EFCAB11: variants seen among roughly 807,000 people sequenced by gnomAD.
The protein encoded by EFCAB11 is EF-hand calcium binding domain 11.
EFCAB11 carries 14 observed loss-of-function variants against 23.0 expected under a neutral mutation model. The ratio of observed to expected loss-of-function variants is 0.61; its 90% confidence interval spans 0.40 to 0.95. The LOEUF (loss-of-function observed/expected upper bound fraction) is 0.95. EFCAB11 is among the 40% of genes least tolerant of loss of function. EFCAB11 has a pLI of 0.00. For missense variants in EFCAB11, 198 were observed against 195.8 expected, an observed-to-expected ratio of 1.01 and a Z score of -0.07; for synonymous variants, 65 against 66.6, an observed-to-expected ratio of 0.98 and a Z score of 0.11.
intron 3 of EFCAB11, among the ~76,000 whole-genome samples, chr14:89,943,670 G>A (rs1239805029): frequency 6.6e-6 from 1 of 152,110 alleles, no homozygotes; most frequent in African/African-American, 2.4e-5. Context: ...TCAATAAGAG[G>A]GAAAGAAGAA....
chr14:89,853,697 T>C (rs1056625781), intron 5 of EFCAB11, among the ~76,000 whole-genome samples: 6 of 152,354 alleles, frequency 3.9e-5, no homozygotes, highest in East Asian at 1.9e-4. Context: ...TATGGCATCA[T>C]ACAAAATGAC....
At position 89,924,349 on chromosome 14, in the gene EFCAB11, C is replaced by G. The variant is rs1596457174; in HGVS notation, c.410+7192G>C. On this transcript the variant is annotated intron_variant, in intron 5 of 5. Coordinates refer to ENST00000316738, the MANE Select transcript of EFCAB11 (RefSeq NM_145231.4). ...GTGCCTCGATATTGCCACTTTACAT[C>G]ATCATGTGGCAATCTGCCTGTGCAC... 8.0e-6 allele frequency: 9 copies of G among 1,121,448 alleles called. No homozygotes were observed. In the East Asian group the frequency reaches 4.9e-4, roughly 61 times the overall value. 69.5% of individuals were successfully genotyped at this position (1,121,448 alleles called of 1,614,324 possible). A position where few individuals can be genotyped will look rare whatever the true frequency, so the allele number is the denominator to read the frequency against.
At chr14:89,814,977 ACAAGACATTGGGACTCCCCATTT>A (rs1886282968) in intron 5 of EFCAB11, among the ~76,000 whole-genome samples, 1 of 152,236 alleles carries the variant, frequency 6.6e-6, no homozygotes, top group Non-Finnish European at 1.5e-5. Context: ...AGTACCAAGA[ACAAGACATTGGGACTCCCCATTT>A]CAACTGCTTG....
rs1472387607 is a variant in EFCAB11 at position 89,954,685 on chromosome 14, G to C, written c.-25C>G. On this transcript the variant is annotated 5_prime_UTR_variant, in exon 1 of 6. Coordinates refer to ENST00000316738, the MANE Select transcript of EFCAB11 (RefSeq NM_145231.4). ...TCGCGACTACAACAACCGAGCCCCAGCAACCCAACCAGCTACCACCGCTTT... is the reference window on the plus strand; with the variant it reads ...TCGCGACTACAACAACCGAGCCCCACCAACCCAACCAGCTACCACCGCTTT... The C allele has an allele frequency of 6.2e-7, 1 of 1,605,968 alleles. No individual in the cohort carries two copies. The highest frequency in any genetic ancestry group is 8.5e-7 in the Non-Finnish European group (1 of 1,178,074).
chr14:89,884,505 T>C (rs1215433185), intron 5 of EFCAB11, among the ~76,000 whole-genome samples: 3 of 151,996 alleles, frequency 2.0e-5, no homozygotes, highest in Non-Finnish European at 2.9e-5. Flanking sequence ...AGAAACAGGA[T>C]ACCTGCTCAC....
chr14:89,806,448 T>C (rs573616372), intron 5 of EFCAB11, among the ~76,000 whole-genome samples: 4 of 152,286 alleles, frequency 2.6e-5, no homozygotes, highest in African/African-American at 9.6e-5. Context: ...TTTCTAACTT[T>C]GATTCTCTGG....
In EFCAB11 at chr14:89,796,622, C is replaced by T. The variant is rs1885581559; in HGVS notation, c.*621G>A. ...AGCCTATCTTAGAGAAGTCTTAAGC[C>T]TATGCTTCCCAAGGCCTGGCTGATT... On this transcript the variant is annotated 3_prime_UTR_variant, in exon 6 of 6. Coordinates refer to ENST00000316738, the MANE Select transcript of EFCAB11 (RefSeq NM_145231.4). 6.6e-6 allele frequency: 1 copy of T among 152,190 alleles called. No homozygotes were observed. The highest frequency in any genetic ancestry group is 1.5e-5 in the Non-Finnish European group (1 of 68,064). The allele number at this position is 152,190 out of a possible 1,614,324, so 9.4% of individuals were successfully genotyped here.
intron 5 of EFCAB11, among the ~76,000 whole-genome samples, chr14:89,921,076 A>AG (rs1596455219): frequency 6.7e-6 from 1 of 149,328 alleles, no homozygotes; most frequent in South Asian, 2.1e-4. Context: ...AAAAAAAAAA[A>AG]GAAAAGAAAG....
intron 5 of EFCAB11, chr14:89,892,434 G>T: frequency 6.4e-7 from 1 of 1,563,270 alleles, no homozygotes; most frequent in African/African-American, 1.4e-5. Flanking sequence ...CCAGGCCCAT[G>T]CCAGTGTTGA....
chr14:89,919,801 G>A (rs2139783948), intron 5 of EFCAB11, among the ~76,000 whole-genome samples: 1 of 152,258 alleles, frequency 6.6e-6, no homozygotes, highest in South Asian at 2.1e-4. Context: ...GGAACTACGA[G>A]GCTTCACAGT....
intron 5 of EFCAB11, among the ~76,000 whole-genome samples, chr14:89,903,913 T>A (rs1015188241): frequency 5.8e-4 from 89 of 152,166 alleles, no homozygotes; most frequent in African/African-American, 2.1e-3. Flanking sequence ...TCCTTTTTTT[T>A]ATATATTTAT....
chr14:89,824,163 A>T (rs1886617141), intron 5 of EFCAB11, among the ~76,000 whole-genome samples: 1 of 152,216 alleles, frequency 6.6e-6, no homozygotes, highest in Non-Finnish European at 1.5e-5. Context: ...CAATAAAGAC[A>T]GTATCTTAAA....
intron 1 of EFCAB11, 134 bp from the exon 2 acceptor site, chr14:89,954,135 C>G: frequency 1.1e-6 from 1 of 902,000 alleles, no homozygotes; most frequent in Non-Finnish European, 1.6e-6. Flanking sequence ...ATTTCATTAT[C>G]CCAATATTAA....
chr14:89,912,729 A>T (rs1274492716), intron 5 of EFCAB11, among the ~76,000 whole-genome samples: 4 of 152,228 alleles, frequency 2.6e-5, no homozygotes, highest in Admixed American at 1.3e-4. Context: ...TGTAATGATG[A>T]AAGAATGCTA....
chr14:89,835,491 G>A (rs1374879402), intron 5 of EFCAB11, among the ~76,000 whole-genome samples: 1 of 152,006 alleles, frequency 6.6e-6, no homozygotes, highest in African/African-American at 2.4e-5. Context: ...GTCACATGAG[G>A]TCAGGTGTGG....
At chr14:89,919,324 G>C (rs1200215624) in intron 5 of EFCAB11, among the ~76,000 whole-genome samples, 1 of 152,190 alleles carries the variant, frequency 6.6e-6, no homozygotes, top group Non-Finnish European at 1.5e-5. Context: ...TCGGCCAAGA[G>C]CAGGTCCAAG....
At chr14:89,881,466 T>TATATATATATATATA (rs10524743) in intron 5 of EFCAB11, among the ~76,000 whole-genome samples, 26 of 122,186 alleles carry the variant, frequency 2.1e-4, no homozygotes, top group East Asian at 4.8e-4. Flanking sequence ...TATATATATA[T>TATATATATATATATA]TCTTTTTTTT....
intron 5 of EFCAB11, among the ~76,000 whole-genome samples, chr14:89,928,227 G>A (rs1032956849): frequency 2.0e-5 from 3 of 151,982 alleles, no homozygotes; most frequent in African/African-American, 4.8e-5. Context: ...ATTTATAGAG[G>A]AGCACATATG....
intron 5 of EFCAB11, among the ~76,000 whole-genome samples, chr14:89,867,330 A>C (rs1287615055): frequency 6.6e-6 from 1 of 152,208 alleles, no homozygotes. Context: ...TCAGTCACGG[A>C]TGACCTCAGC....
Sources: gnomAD v4.1 joint callset for allele counts (sites outside exome capture counted in the v4.1 genomes callset) on GRCh38, gnomAD v4.1.1 for gene constraint, MANE v1.5 for transcripts, NCBI Gene and HGNC (gene_info 2026-07-23, HGNC 2026-07-21) for gene names.